TENM2: variants seen among roughly 807,000 people sequenced by gnomAD.
TENM2 encodes teneurin-2.
In TENM2, 52 loss-of-function variants were observed where a neutral mutation model predicts 245.2. The ratio of observed to expected loss-of-function variants is 0.21; its 90% CI spans 0.17 to 0.27. TENM2 has a LOEUF of 0.27. TENM2 is among the 10% of genes least tolerant of loss of function. The pLI, the probability that TENM2 is intolerant of heterozygous loss-of-function variation, is 1.00. For missense variants in TENM2, 3,046 were observed against 3,666.8 expected, an observed-to-expected ratio of 0.83 and a Z score of 4.37; for synonymous variants, 1,363 against 1,438.9, an observed-to-expected ratio of 0.95 and a Z score of 1.19.
chr5:167,656,035 A>C (rs898584439), intron 2 of TENM2, among the ~76,000 whole-genome samples: 1 of 152,202 alleles, frequency 6.6e-6, no homozygotes, highest in Non-Finnish European at 1.5e-5. Flanking sequence ...TGTATATTAT[A>C]CAGCTAATCC....
At chr5:168,217,258 A>ATATGT (rs1763279152) in intron 22 of TENM2, among the ~76,000 whole-genome samples, 1 of 152,200 alleles carries the variant, frequency 6.6e-6, no homozygotes, top group Non-Finnish European at 1.5e-5. Flanking sequence ...AATGTACTGT[A>ATATGT]CAGTGTTATA....
In TENM2 at chr5:167,695,425, C is replaced by A. The variant is rs752881453; in HGVS notation, c.503-180561C>A. 2.9e-4 allele frequency among the ~76,000 whole-genome samples: 44 copies of A among 152,078 alleles called. 1 individual carries two copies. The highest frequency in any genetic ancestry group is 5.9e-4 in the Non-Finnish European group (40 of 67,990). Reference sequence around the variant, plus strand: ...TTATTCTTCTTTTGATATTTTTAGCCATTAAAAAAATATAAAACTCCTTCT... The same window carrying A: ...TTATTCTTCTTTTGATATTTTTAGCAATTAAAAAAATATAAAACTCCTTCT... On this transcript the variant is annotated intron_variant, in intron 2 of 28. Coordinates refer to ENST00000518659, the Ensembl canonical transcript of TENM2.
intron 3 of TENM2, among the ~76,000 whole-genome samples, chr5:167,945,484 G>A (rs918802204): frequency 2.6e-5 from 4 of 152,180 alleles, no homozygotes; most frequent in Non-Finnish European, 5.9e-5. Flanking sequence ...GATGAAATAT[G>A]TAGAGTGCTT....
At chr5:168,087,912 C>T (rs543669077) in intron 7 of TENM2, among the ~76,000 whole-genome samples, 3 of 152,222 alleles carry the variant, frequency 2.0e-5, no homozygotes, top group South Asian at 4.2e-4. Flanking sequence ...CCTGGCTAGC[C>T]GATTCTTCCT....
intron 2 of TENM2, among the ~76,000 whole-genome samples, chr5:167,660,688 T>A (rs75308478): frequency 0.021 from 3,268 of 152,156 alleles, 107 homozygotes; most frequent in African/African-American, 0.073. Context: ...TTTTTTAAAG[T>A]CTAACACCTT....
intron 3 of TENM2, among the ~76,000 whole-genome samples, chr5:167,901,717 C>T (rs1055293838): frequency 3.9e-5 from 6 of 152,054 alleles, no homozygotes; most frequent in Non-Finnish European, 5.9e-5. Flanking sequence ...GCTAGAGCAC[C>T]GTATTAATGT....
intron 13 of TENM2, among the ~76,000 whole-genome samples, chr5:168,174,500 G>T (rs1038017801): frequency 6.6e-6 from 1 of 152,176 alleles, no homozygotes; most frequent in East Asian, 1.9e-4. Context: ...CACCTGGAAG[G>T]CTTCAGGCAC....
chr5:167,961,054 A>G (rs1004251054), intron 4 of TENM2, among the ~76,000 whole-genome samples: 4 of 152,164 alleles, frequency 2.6e-5, no homozygotes, highest in Non-Finnish European at 5.9e-5. Flanking sequence ...TCCTAGTGAG[A>G]TGAGCCTAGT....
At chr5:167,459,531 A>G (rs1354037471) in intron 2 of TENM2, among the ~76,000 whole-genome samples, 2 of 152,192 alleles carry the variant, frequency 1.3e-5, no homozygotes, top group African/African-American at 4.8e-5. Context: ...GGATTACCAG[A>G]CCATATGTTA....
At chr5:168,149,349 C>T (rs1756434352) in intron 12 of TENM2, 1 of 456,644 alleles carries the variant, frequency 2.2e-6, no homozygotes, top group African/African-American at 2.0e-5. Flanking sequence ...GCAGAATCCT[C>T]ACAAAATCCA....
the TENM2 span, among the ~76,000 whole-genome samples, chr5:167,182,772 C>T: frequency 6.6e-6 from 1 of 152,120 alleles, no homozygotes; most frequent in Non-Finnish European, 1.5e-5. Context: ...CACTCCTCCA[C>T]TGTTGCTTTT....
intron 2 of TENM2, among the ~76,000 whole-genome samples, chr5:167,601,461 C>T: frequency 6.6e-6 from 1 of 152,232 alleles, no homozygotes; most frequent in East Asian, 1.9e-4. Context: ...ATATTTTACA[C>T]CTGAAAACAG....
At position 167,747,671 on chromosome 5, in the gene TENM2, A is replaced by G. The variant is rs1469231539; in HGVS notation, c.503-128315A>G. 3.3e-5 allele frequency among the ~76,000 whole-genome samples: 5 copies of G among 152,124 alleles called. No individual in the cohort carries two copies. In the East Asian group the frequency reaches 9.6e-4, roughly 29 times the overall value. On this transcript the variant is annotated intron_variant, in intron 2 of 28. Coordinates refer to ENST00000518659, the Ensembl canonical transcript of TENM2. ...AAGAAAATGACATCCCTTTCATTTG[A>G]AGGGACTAAGGACTGAATTTGCTTT...
At chr5:168,042,329 G>T (rs971662762) in intron 5 of TENM2, among the ~76,000 whole-genome samples, 4 of 152,028 alleles carry the variant, frequency 2.6e-5, no homozygotes, top group Non-Finnish European at 4.4e-5. Context: ...TGCTCCTGGG[G>T]GCCTGCTCGG....
the TENM2 span, among the ~76,000 whole-genome samples, chr5:167,182,330 A>C: frequency 6.6e-6 from 1 of 152,126 alleles, no homozygotes; most frequent in Non-Finnish European, 1.5e-5. Flanking sequence ...CAGTGTATCC[A>C]TTAAGCATTA....
the TENM2 span, among the ~76,000 whole-genome samples, chr5:167,224,264 T>C: frequency 6.6e-6 from 1 of 152,010 alleles, no homozygotes; most frequent in African/African-American, 2.4e-5. Context: ...AAAGCACTTG[T>C]CTAGACCAAT....
chr5:167,721,351 G>GC (rs1372495276), intron 2 of TENM2: 1 of 152,078 alleles, frequency 6.6e-6, no homozygotes, highest in African/African-American at 2.4e-5. Context: ...TGTCATAACA[G>GC]ATTACCACCA....
rs373444520 is a variant in TENM2 at position 168,198,841 on chromosome 5, C to T, written c.2901-12C>T. The T allele has an allele frequency of 7.4e-6, 12 of 1,611,422 alleles. No homozygotes were observed. The highest frequency in any genetic ancestry group is 8.5e-6 in the Non-Finnish European group (10 of 1,177,764). On this transcript the variant is annotated splice_polypyrimidine_tract_variant and intron_variant, in intron 15 of 28. Transcript: ENST00000518659. ...GTCTACCCCCTCATCAGCTCATTTA[C>T]TCCCTCTCCAGGTTCGACCTGATCG... is the stretch of plus-strand genomic sequence containing the variant.
chr5:168,253,425 T>TTA lies in TENM2; in HGVS notation c.7432+5055_7432+5056insAT, dbSNP rs1491468072. The stretch of plus-strand genomic sequence containing the variant: ...AAAAAGCTAATAAATGCATTCATTA[T>TTA]TTTATTTTTTTTTTTTTTGAGACAG... On this transcript the variant is annotated intron_variant, in intron 27 of 28. Transcript: ENST00000518659. Among the ~76,000 whole-genome samples the TTA allele has an allele frequency of 4.4e-3, 196 of 44,440 alleles. 3 individuals carry two copies. Among genetic ancestry groups the TTA allele is most frequent in the African/African-American group, 0.01 (192 of 18,768 alleles). The allele number at this position is 44,440 out of a possible 152,430, so 29.2% of individuals were successfully genotyped here. A position where few individuals can be genotyped will look rare whatever the true frequency, so the allele number is the denominator to read the frequency against.
Sources: gnomAD v4.1 joint callset for allele counts (sites outside exome capture counted in the v4.1 genomes callset) on GRCh38, gnomAD v4.1.1 for gene constraint, MANE v1.5 for transcripts, NCBI Gene and HGNC (gene_info 2026-07-23, HGNC 2026-07-21) for gene names.